PLAUR: variants seen among roughly 807,000 people sequenced by gnomAD.
The protein encoded by PLAUR is plasminogen activator, urokinase receptor.
A neutral mutation model predicts 33.4 loss-of-function variants in PLAUR; 22 were observed. The observed-to-expected ratio is 0.66, with a 90% CI of 0.47 to 0.94. PLAUR has a LOEUF of 0.94. Ranked by LOEUF, PLAUR falls within the 40% of genes least tolerant of loss-of-function variation. The probability of loss-of-function intolerance (pLI) is 0.00; values close to 1 mark genes in which losing one functional copy is unlikely to be tolerated. For missense variants in PLAUR, 408 were observed against 434.7 expected, an observed-to-expected ratio of 0.94 and a Z score of 0.55; for synonymous variants, 148 against 167.3, an observed-to-expected ratio of 0.88 and a Z score of 0.89.
At chr19:43,649,865 T>G (rs752470915) in intron 6 of PLAUR, among the ~76,000 whole-genome samples, 4 of 152,004 alleles carry the variant, frequency 2.6e-5, no homozygotes, top group Non-Finnish European at 5.9e-5. Context: ...AAGTGTACAA[T>G]GGGCTTTTCC....
Position 43,648,581 on chromosome 19 carries a change from C to T in PLAUR, c.*309G>A. On this transcript the variant is annotated 3_prime_UTR_variant, in exon 7 of 7. Transcript: ENST00000340093. ...AAAGAAGGGCATACCTGGCCTTGTC[C>T]ACTGGTACAAAATCTTTATGTAAGT... The T allele has an allele frequency of 2.0e-6, 2 of 1,013,962 alleles. No homozygotes were observed. Among genetic ancestry groups the T allele is most frequent in the Non-Finnish European group, 2.4e-6 (2 of 840,204 alleles). 62.8% of individuals were successfully genotyped at this position (1,013,962 alleles called of 1,614,324 possible).
chr19:43,658,291 A>G (rs1410577176), intron 3 of PLAUR, among the ~76,000 whole-genome samples: 1 of 152,178 alleles, frequency 6.6e-6, no homozygotes, highest in Non-Finnish European at 1.5e-5. Context: ...ATGTGAGTGA[A>G]GCTACCTTAG....
At chr19:43,667,468 T>C in intron 2 of PLAUR, 113 bp downstream of exon 2, 1 of 729,804 alleles carries the variant, frequency 1.4e-6, no homozygotes, top group South Asian at 1.6e-5. Context: ...AAATGGGCTC[T>C]CCTTGTTTGT....
At position 43,655,579 on chromosome 19, in the gene PLAUR, G is replaced by A; in HGVS notation, c.473-6C>T. 6.2e-6 allele frequency: 10 copies of A among 1,613,084 alleles called. No individual in the cohort carries two copies. The highest frequency in any genetic ancestry group is 8.5e-6 in the Non-Finnish European group (10 of 1,179,558). ...GCGGTCATCCTTTGGACGCCCTATG[G>A]GGGCCAGGGGACAGAGGTCAGATGT... On this transcript the variant is annotated splice_polypyrimidine_tract_variant and splice_region_variant and intron_variant, in intron 4 of 6. Coordinates refer to ENST00000340093, the MANE Select transcript of PLAUR (RefSeq NM_002659.4).
At chr19:43,667,115 C>T (rs1380768470) in intron 2 of PLAUR, 1 of 166,140 alleles carries the variant, frequency 6.0e-6, no homozygotes, top group South Asian at 1.2e-4. Flanking sequence ...GAACTCCTGA[C>T]CTCAAGCAAT....
intron 3 of PLAUR, chr19:43,661,388 T>C (rs1390073091): frequency 9.8e-6 from 1 of 102,302 alleles, no homozygotes; most frequent in East Asian, 2.8e-4. Context: ...GTTTCTCCTT[T>C]CTTTCTTTTT....
In PLAUR at chr19:43,652,227, T is replaced by A; in HGVS notation, c.752A>T (p.His251Leu). 1 of 1,613,946 alleles carries A rather than the reference T, an allele frequency of 6.2e-7. No individual in the cohort carries two copies. ...CCCAGCCTCGGAGAGGGCCTCACCGTGAGTGCCGGTGGCTACCAGACATTG... is the reference window on the plus strand; with the variant it reads ...CCCAGCCTCGGAGAGGGCCTCACCGAGAGTGCCGGTGGCTACCAGACATTG... Reference protein sequence around the residue: ...MNQCLVATGTHEPKNQSYMVR... With the variant: ...MNQCLVATGTLEPKNQSYMVR... The change falls in exon 6 of 7, where the codon CAC becomes CTC. Residue 251 changes from histidine to leucine, a missense_variant and splice_region_variant. By Grantham distance (99) the His-to-Leu change is moderately conservative. Coordinates refer to ENST00000340093, the MANE Select transcript of PLAUR (RefSeq NM_002659.4).
At chr19:43,652,442 C>A in intron 5 of PLAUR, 71 bp from the exon 6 acceptor site, 1 of 1,448,336 alleles carries the variant, frequency 6.9e-7, no homozygotes. Context: ...TGAATGACCT[C>A]CCCAGGACTT....
chr19:43,667,370 CCCCA>C, intron 2 of PLAUR: 1 of 584,396 alleles, frequency 1.7e-6, no homozygotes, highest in South Asian at 2.0e-5. Flanking sequence ...CAATTTACTC[CCCCA>C]CCACAGACAC....
At chr19:43,647,139 C>A (rs1466775165), downstream of PLAUR, among the ~76,000 whole-genome samples, 1 of 152,120 alleles carries the variant, frequency 6.6e-6, no homozygotes, top group African/African-American at 2.4e-5. Context: ...TAATTTTTGT[C>A]TCCATGGGTT....
intron 3 of PLAUR, among the ~76,000 whole-genome samples, chr19:43,664,653 C>G (rs1190626959): frequency 1.3e-5 from 2 of 152,238 alleles, no homozygotes; most frequent in Non-Finnish European, 2.9e-5. Flanking sequence ...CTGCCCAAGT[C>G]AGAGACCATC....
chr19:43,667,744 C>T, intron 1 of PLAUR, 53 bp from the exon 2 acceptor site: 2 of 1,588,846 alleles, frequency 1.3e-6, no homozygotes, highest in South Asian at 1.1e-5. Flanking sequence ...AGCTCCAAGA[C>T]CCCCGCTCAC....
downstream of PLAUR, among the ~76,000 whole-genome samples, chr19:43,648,276 C>G (rs1045550526): frequency 1.3e-5 from 2 of 151,972 alleles, no homozygotes; most frequent in East Asian, 3.9e-4. Flanking sequence ...CCCGGATTGA[C>G]GCCATTCTCC....
At chr19:43,669,921 T>A (rs1002770029) in intron 1 of PLAUR, 145 bp downstream of exon 1, 3 of 753,786 alleles carry the variant, frequency 4.0e-6, no homozygotes, top group South Asian at 3.6e-5. Flanking sequence ...CCGCGTGGCG[T>A]TGCACAAAGC....
intron 3 of PLAUR, 98 bp from the exon 4 acceptor site, chr19:43,656,738 ACCCTGCAGCCAGTCATTGAG>A (rs2146230398): frequency 2.0e-6 from 2 of 978,698 alleles, no homozygotes; most frequent in South Asian, 3.4e-5. Context: ...TCCTTATCCC[ACCCTGCAGCCAGTCATTGAG>A]CCCTGCCTAT....
intron 5 of PLAUR, among the ~76,000 whole-genome samples, chr19:43,653,386 T>C (rs145855763): frequency 7.2e-5 from 11 of 152,310 alleles, no homozygotes; most frequent in Non-Finnish European, 1.5e-4. Flanking sequence ...ACATTAAAGC[T>C]GAGGCCTAAT....
intron 3 of PLAUR, among the ~76,000 whole-genome samples, chr19:43,657,993 G>A (rs4251865): frequency 0.065 from 9,779 of 151,532 alleles, 379 homozygotes; most frequent in Middle Eastern, 0.18. Flanking sequence ...GCTTGAGTCT[G>A]GGAGTTTGAG....
chr19:43,652,043 A>G, intron 6 of PLAUR, 182 bp downstream of exon 6: 1 of 1,377,638 alleles, frequency 7.3e-7, no homozygotes, highest in Non-Finnish European at 9.4e-7. Context: ...CATGGCAAAA[A>G]TGTCCACATC....
chr19:43,656,730 C>G (rs1280631305), intron 3 of PLAUR, 90 bp from the exon 4 acceptor site: 6 of 1,062,578 alleles, frequency 5.6e-6, no homozygotes, highest in Admixed American at 5.3e-5. Context: ...TCAATTCCTC[C>G]TTATCCCACC....
Sources: gnomAD v4.1 joint callset for allele counts (sites outside exome capture counted in the v4.1 genomes callset) on GRCh38, gnomAD v4.1.1 for gene constraint, MANE v1.5 for transcripts, NCBI Gene and HGNC (gene_info 2026-07-23, HGNC 2026-07-21) for gene names.